The following ALMS1 variants were observed in gnomAD, a reference collection of about 807,000 sequenced individuals.
ALMS1 encodes the protein centrosome-associated protein ALMS1.
A neutral mutation model predicts 352.2 loss-of-function variants in ALMS1; 271 were observed. The ratio of observed to expected loss-of-function variants is 0.77; its 90% CI spans 0.70 to 0.85. The LOEUF (loss-of-function observed/expected upper bound fraction) is 0.85. Ranked by LOEUF, ALMS1 falls within the 40% of genes least tolerant of loss-of-function variation. The probability of loss-of-function intolerance (pLI) is 0.00; values close to 1 mark genes in which losing one functional copy is unlikely to be tolerated. For synonymous variants in ALMS1, 1,865 were observed against 1,761.2 expected (o/e 1.06, Z -1.48); for missense variants, 5,445 against 4,870.7 (o/e 1.12, Z -3.51).
At chr2:73,559,443 C>T in intron 15 of ALMS1, among the ~76,000 whole-genome samples, 1 of 151,768 alleles carries the variant, frequency 6.6e-6, no homozygotes. Flanking sequence ...TGTCTCAGTC[C>T]CCAGAGACAA....
chr2:73,519,672 C>G, intron 10 of ALMS1, 103 bp from the exon 11 acceptor site: 1 of 1,475,066 alleles, frequency 6.8e-7, no homozygotes, highest in Non-Finnish European at 9.4e-7. Context: ...ACAATATATT[C>G]CTATAGCTAC....
intron 2 of ALMS1, among the ~76,000 whole-genome samples, chr2:73,415,044 G>T (rs1218191311): frequency 6.6e-6 from 1 of 151,910 alleles, no homozygotes; most frequent in Admixed American, 6.6e-5. Context: ...CCAGATCCAG[G>T]ACTTTAAATA....
At chr2:73,469,362 A>G (rs117609470) in intron 9 of ALMS1, among the ~76,000 whole-genome samples, 1 of 151,962 alleles carries the variant, frequency 6.6e-6, no homozygotes, top group Admixed American at 6.6e-5. Flanking sequence ...AAAATTCCAA[A>G]TCAGCAGACA....
intron 11 of ALMS1, among the ~76,000 whole-genome samples, chr2:73,522,386 GCTTTTTTCTTTTTCTTTTTC>G (rs1028021886): frequency 6.6e-6 from 1 of 151,696 alleles, no homozygotes; most frequent in Non-Finnish European, 1.5e-5. Flanking sequence ...GGAGGCTACA[GCTTTTTTCTTTTTCTTTTTC>G]CTTTTTTCCT....
At position 73,563,722 on chromosome 2, in the gene ALMS1, C is replaced by CAAAA. The variant is rs1170434973; in HGVS notation, c.10384+4595_10384+4598dup. Among the ~76,000 whole-genome samples, 103 of 52,186 alleles carry CAAAA rather than the reference C, an allele frequency of 2.0e-3. 5 individuals carry two copies. The highest frequency in any genetic ancestry group is 0.015 in the African/African-American group (99 of 6,588). The allele number at this position is 52,186 out of a possible 152,430, so 34.2% of individuals were successfully genotyped here. ...TGGGTGACAGAGCGAGACTCCATCT[C>CAAAA]AAAAAAAAAAAAAAAAAATAAAAAT... On this transcript the variant is annotated intron_variant, in intron 15 of 22. Transcript: ENST00000613296.
At chr2:73,598,572 G>GC (rs1362782402) in intron 16 of ALMS1, among the ~76,000 whole-genome samples, 1 of 152,076 alleles carries the variant, frequency 6.6e-6, no homozygotes, top group African/African-American at 2.4e-5. Context: ...GATATGCTCA[G>GC]TTTCCTATCC....
At chr2:73,481,374 A>T (rs1191710587) in intron 9 of ALMS1, among the ~76,000 whole-genome samples, 2 of 152,174 alleles carry the variant, frequency 1.3e-5, no homozygotes, top group Non-Finnish European at 2.9e-5. Flanking sequence ...TTTGTCAAAG[A>T]TCAGATAGTT....
chr2:73,397,599 C>T (rs1670788971), intron 1 of ALMS1, among the ~76,000 whole-genome samples: 1 of 152,146 alleles, frequency 6.6e-6, no homozygotes, highest in Non-Finnish European at 1.5e-5. Flanking sequence ...TCCTGAGTAG[C>T]TGGGTTTACA....
chr2:73,451,600 T>A lies in ALMS1; in HGVS notation c.5073T>A (p.Val1691=). The part of the protein sequence containing the change: ...DSHLPEEALK[V]PPVPGPDAQK... ...ATTTACCTGAAGAAGCTCTGAAAGT[T>A]CCACCTGTTCCTGGACCAGATGCCC... The change falls in exon 8 of 23, where the codon GTT becomes GTA. Residue 1691 remains valine, a synonymous_variant. Coordinates refer to ENST00000613296, the MANE Select transcript of ALMS1 (RefSeq NM_001378454.1). 1 of 1,614,094 alleles carries A rather than the reference T, an allele frequency of 6.2e-7. No individual in the cohort carries two copies.
At chr2:73,539,712 GAA>G (rs1410231702) in intron 12 of ALMS1, among the ~76,000 whole-genome samples, 1 of 152,194 alleles carries the variant, frequency 6.6e-6, no homozygotes, top group Non-Finnish European at 1.5e-5. Flanking sequence ...CATGGCAAGA[GAA>G]CTACGTGGCG....
At chr2:73,460,652 C>T (rs1478874086) in intron 9 of ALMS1, among the ~76,000 whole-genome samples, 2 of 152,192 alleles carry the variant, frequency 1.3e-5, no homozygotes, top group Non-Finnish European at 2.9e-5. Flanking sequence ...TTGCCTCACT[C>T]GGGAAGTGCA....
At chr2:73,478,132 A>G (rs1353607214) in intron 9 of ALMS1, among the ~76,000 whole-genome samples, 3 of 152,156 alleles carry the variant, frequency 2.0e-5, no homozygotes, top group South Asian at 2.1e-4. Flanking sequence ...GGTTAAAGAA[A>G]TCCCTTCCAT....
chr2:73,437,318 G>A (rs13412691), intron 7 of ALMS1, among the ~76,000 whole-genome samples: 249 of 152,248 alleles, frequency 1.6e-3, no homozygotes, highest in African/African-American at 5.6e-3. Flanking sequence ...ATGCTGAAAG[G>A]GGTAGTAGTT....
Position 73,385,839 on chromosome 2 carries a change from C to T in ALMS1, c.-30C>T. 1.4e-6 allele frequency: 1 copy of T among 705,304 alleles called. No homozygotes were observed. Among genetic ancestry groups the T allele is most frequent in the Non-Finnish European group, 2.6e-6 (1 of 391,480 alleles). The allele number at this position is 705,304 out of a possible 1,614,324, so 43.7% of individuals were successfully genotyped here. A position where few individuals can be genotyped will look rare whatever the true frequency, so the allele number is the denominator to read the frequency against. On this transcript the variant is annotated 5_prime_UTR_variant, in exon 1 of 23. Coordinates refer to ENST00000613296, the MANE Select transcript of ALMS1 (RefSeq NM_001378454.1). ...TCCCCTCCCTCCCCCCCTCCTCCTCCTCCTCTGCCGCCCAGAGCGAGACAC... is the reference window on the plus strand; with the variant it reads ...TCCCCTCCCTCCCCCCCTCCTCCTCTTCCTCTGCCGCCCAGAGCGAGACAC...
intron 7 of ALMS1, among the ~76,000 whole-genome samples, chr2:73,433,125 G>C (rs1398405119): frequency 6.6e-6 from 1 of 152,218 alleles, no homozygotes; most frequent in Non-Finnish European, 1.5e-5. Flanking sequence ...AGATGGAGCT[G>C]ACCAAGGGAA....
chr2:73,459,673 G>T (rs1381854859), intron 9 of ALMS1, among the ~76,000 whole-genome samples: 1 of 152,104 alleles, frequency 6.6e-6, no homozygotes, highest in Admixed American at 6.5e-5. Context: ...ATTTTAAGCT[G>T]GTTCCTGTGT....
At chr2:73,397,035 T>C (rs1317134179) in intron 1 of ALMS1, among the ~76,000 whole-genome samples, 1 of 152,054 alleles carries the variant, frequency 6.6e-6, no homozygotes, top group Non-Finnish European at 1.5e-5. Flanking sequence ...CCCAACCCCC[T>C]CCCCCTAACT....
intron 9 of ALMS1, among the ~76,000 whole-genome samples, chr2:73,476,564 T>C (rs1370885399): frequency 2.0e-5 from 3 of 150,566 alleles, no homozygotes; most frequent in Non-Finnish European, 4.4e-5. Flanking sequence ...ATACTTGTTA[T>C]TTTCTGTTTT....
chr2:73,493,975 A>G (rs1673047049), intron 10 of ALMS1, among the ~76,000 whole-genome samples: 1 of 152,214 alleles, frequency 6.6e-6, no homozygotes, highest in Non-Finnish European at 1.5e-5. Context: ...TTGTCTCAGA[A>G]CGTTGCAAAC....
Sources: allele counts gnomAD v4.1 joint callset (sites outside exome capture counted in the v4.1 genomes callset), GRCh38; gene constraint gnomAD v4.1.1; transcripts MANE v1.5; gene names NCBI Gene and HGNC (gene_info 2026-07-23, HGNC 2026-07-21).